The following ZNF253 variants were observed in gnomAD, a reference collection of about 807,000 sequenced individuals.
ZNF253 encodes the protein zinc finger protein 253.
In ZNF253, 8 loss-of-function variants were observed where a neutral mutation model predicts 11.9. That is an observed-to-expected ratio of 0.67 (90% confidence interval 0.40 to 1.22). ZNF253 has a LOEUF of 1.22. Ranked by LOEUF, ZNF253 falls within the 50% of genes most tolerant of loss-of-function variation. The pLI, the probability that ZNF253 is intolerant of heterozygous loss-of-function variation, is 0.01. For missense variants in ZNF253, 485 were observed against 586.9 expected, an observed-to-expected ratio of 0.83 and a Z score of 1.79; for synonymous variants, 194 against 194.9, an observed-to-expected ratio of 1.00 and a Z score of 0.04.
intron 1 of ZNF253, among the ~76,000 whole-genome samples, chr19:19,872,583 T>TTA (rs139435074): frequency 0.013 from 1,539 of 120,736 alleles, 19 homozygotes; most frequent in Admixed American, 0.024. Flanking sequence ...ATATATATTA[T>TTA]TATATATATA....
rs772616486 is a variant in ZNF253, at chr19:19,866,016, A to G, written c.3+17A>G. On this transcript the variant is annotated intron_variant, in intron 1 of 3. Coordinates refer to ENST00000589717, the MANE Select transcript of ZNF253 (RefSeq NM_021047.3). The stretch of plus-strand genomic sequence containing the variant: ...CTAGAAATGGTGAGTGCCGGGTCCA[A>G]CGTCCCGAGAGAGGGGAGAGGCTGT... The G allele has an allele frequency of 3.7e-6, 6 of 1,614,006 alleles. No individual in the cohort carries two copies. In the East Asian group the frequency reaches 1.1e-4, roughly 30 times the overall value.
intron 1 of ZNF253, among the ~76,000 whole-genome samples, chr19:19,869,171 T>C (rs1393239893): frequency 6.6e-6 from 1 of 152,140 alleles, no homozygotes; most frequent in Non-Finnish European, 1.5e-5. Context: ...GACTAAAAGG[T>C]ATTAAGTTTC....
chr19:19,871,251 T>C (rs7254355), intron 1 of ZNF253: 56,814 of 152,552 alleles, frequency 0.37, 12,934 homozygotes, highest in East Asian at 0.63. Context: ...ATTCTACCCA[T>C]GAGGCCTGCA....
chr19:19,870,334 G>C (rs551595019), intron 1 of ZNF253, among the ~76,000 whole-genome samples: 41 of 150,986 alleles, frequency 2.7e-4, no homozygotes, highest in Non-Finnish European at 5.2e-4. Context: ...AGAAGTTGCA[G>C]TGAGCTGAGA....
At chr19:19,880,542 T>C (rs1419068274) in intron 3 of ZNF253, among the ~76,000 whole-genome samples, 1 of 152,050 alleles carries the variant, frequency 6.6e-6, no homozygotes, top group Non-Finnish European at 1.5e-5. Flanking sequence ...CCGTTTCTAC[T>C]AAAAATACAA....
intron 1 of ZNF253, among the ~76,000 whole-genome samples, chr19:19,872,582 A>ATT (rs200393251): frequency 2.0e-5 from 2 of 98,794 alleles, no homozygotes; most frequent in South Asian, 2.8e-4. Context: ...TATATATATT[A>ATT]TTATATATAT....
intron 1 of ZNF253, among the ~76,000 whole-genome samples, chr19:19,878,050 A>G (rs936666185): frequency 6.7e-6 from 1 of 150,314 alleles, no homozygotes; most frequent in Non-Finnish European, 1.5e-5. Context: ...AAAAAGTCAG[A>G]CTTTATGCCA....
At chr19:19,883,078 A>G (rs1206426740) in intron 3 of ZNF253, among the ~76,000 whole-genome samples, 2 of 151,880 alleles carry the variant, frequency 1.3e-5, no homozygotes, top group Admixed American at 1.3e-4. Flanking sequence ...CTTATCTTAT[A>G]TTCTTTCTTA....
At position 19,892,516 on chromosome 19, in the gene ZNF253, C is replaced by T. The variant is rs1323676718; in HGVS notation, c.1269C>T (p.Pro423=). ...KHKRTHTGEK[P]YKCEECGKSF... ...AAAGAACTCATACTGGAGAGAAACC[C>T]TACAAATGTGAAGAATGTGGCAAAT... is the stretch of plus-strand genomic sequence containing the variant. The change falls in exon 4 of 4, where the codon CCC becomes CCT. Residue 423 remains proline (P), a synonymous_variant. Coordinates refer to ENST00000589717, the MANE Select transcript of ZNF253 (RefSeq NM_021047.3). 1.7e-5 allele frequency: 27 copies of T among 1,613,674 alleles called. No homozygotes were observed. The highest frequency in any genetic ancestry group is 5.0e-5 in the Admixed American group (3 of 59,960).
In ZNF253 at chr19:19,893,798, G is replaced by C. The variant is rs1045021923; in HGVS notation, c.*1051G>C. 1 of 152,130 alleles carries C rather than the reference G, an allele frequency of 6.6e-6. No individual in the cohort carries two copies. The highest frequency in any genetic ancestry group is 2.4e-5 in the African/African-American group (1 of 41,444). The allele number at this position is 152,130 out of a possible 1,614,324, so 9.4% of individuals were successfully genotyped here. On this transcript the variant is annotated 3_prime_UTR_variant, in exon 4 of 4. Transcript: ENST00000589717. ...GAAGACAGCCATTACAAATATAAAGGGGGTTGTAGTGCCTTTACTTGTGTC... is the reference window on the plus strand; with the variant it reads ...GAAGACAGCCATTACAAATATAAAGCGGGTTGTAGTGCCTTTACTTGTGTC...
intron 1 of ZNF253, among the ~76,000 whole-genome samples, chr19:19,872,275 C>T (rs2145259429): frequency 6.6e-6 from 1 of 152,208 alleles, no homozygotes; most frequent in Middle Eastern, 3.4e-3. Context: ...TACAAATGTG[C>T]AGGTAACACC....
chr19:19,892,784 G>T lies in ZNF253; in HGVS notation c.*37G>T, dbSNP rs1179433729. 6.5e-7 allele frequency: 1 copy of T among 1,540,448 alleles called. No homozygotes were observed. The highest frequency in any genetic ancestry group is 2.1e-5 in the Admixed American group (1 of 48,422). On this transcript the variant is annotated 3_prime_UTR_variant, in exon 4 of 4. Coordinates refer to ENST00000589717, the MANE Select transcript of ZNF253 (RefSeq NM_021047.3). ...GAGAAACCCTATGAATGTGATGAAT[G>T]TGGGAAAGCCTTTAACCAGCCCTCG...
chr19:19,887,036 T>C (rs2063209068), intron 3 of ZNF253, among the ~76,000 whole-genome samples: 1 of 152,068 alleles, frequency 6.6e-6, no homozygotes, highest in African/African-American at 2.4e-5. Context: ...TATAGATTCC[T>C]GCTAAATCAA....
chr19:19,866,083 C>A, intron 1 of ZNF253, 84 bp downstream of exon 1: 3 of 1,572,496 alleles, frequency 1.9e-6, no homozygotes, highest in South Asian at 1.1e-5. Context: ...TCTGCTTCCT[C>A]ACAGTCAGCT....
intron 1 of ZNF253, among the ~76,000 whole-genome samples, chr19:19,873,497 G>GCTT (rs1028716916): frequency 6.6e-6 from 1 of 152,114 alleles, no homozygotes; most frequent in African/African-American, 2.4e-5. Context: ...ATTGTGTCAG[G>GCTT]CTGAAAAGTG....
In ZNF253 at chr19:19,892,896, C is replaced by G; in HGVS notation, c.*149C>G. 1 of 733,366 alleles carries G rather than the reference C, an allele frequency of 1.4e-6. No homozygotes were observed. Among genetic ancestry groups the G allele is most frequent in the East Asian group, 2.7e-5 (1 of 36,834 alleles). 45.4% of individuals were successfully genotyped at this position (733,366 alleles called of 1,614,324 possible). On this transcript the variant is annotated 3_prime_UTR_variant, in exon 4 of 4. Coordinates refer to ENST00000589717, the MANE Select transcript of ZNF253 (RefSeq NM_021047.3). ...AAAGCTTTTTAAGGAAGTTCTCAAC[C>G]CTTATTACACATAATTCATACCAAA... is the stretch of plus-strand genomic sequence containing the variant.
chr19:19,887,559 G>A (rs1022213456), intron 3 of ZNF253, among the ~76,000 whole-genome samples: 3 of 151,814 alleles, frequency 2.0e-5, no homozygotes, highest in Non-Finnish European at 2.9e-5. Context: ...GTCCTTCTTC[G>A]TCTTTTTGAA....
In ZNF253 at chr19:19,891,904, G is replaced by A. The variant is rs769196617; in HGVS notation, c.657G>A (p.Lys219=). 2.5e-6 allele frequency: 4 copies of A among 1,613,954 alleles called. No homozygotes were observed. Among genetic ancestry groups the A allele is most frequent in the African/African-American group, 2.7e-5 (2 of 74,970 alleles). The change falls in exon 4 of 4, where the codon AAG becomes AAA. Residue 219 remains lysine (K), a synonymous_variant. Transcript: ENST00000589717. ...FNQSANLTTH[K]RIHTGEKPYR... ...AATCTGCAAACCTTACTACACATAAGAGAATTCATACCGGAGAGAAACCCT... is the reference window on the plus strand; with the variant it reads ...AATCTGCAAACCTTACTACACATAAAAGAATTCATACCGGAGAGAAACCCT...
chr19:19,867,397 T>C (rs1015102774), intron 1 of ZNF253, among the ~76,000 whole-genome samples: 2 of 152,226 alleles, frequency 1.3e-5, no homozygotes, highest in Non-Finnish European at 2.9e-5. Flanking sequence ...GAGTGTCACT[T>C]ATTGCCCAGG....
Sources: allele counts gnomAD v4.1 joint callset (sites outside exome capture counted in the v4.1 genomes callset), GRCh38; gene constraint gnomAD v4.1.1; transcripts MANE v1.5; gene names NCBI Gene and HGNC (gene_info 2026-07-23, HGNC 2026-07-21).